The following UHRF2 variants were observed in gnomAD, a reference collection of about 807,000 sequenced individuals.
UHRF2 encodes ubiquitin like with PHD and ring finger domains 2.
A neutral mutation model predicts 96.8 loss-of-function variants in UHRF2; 23 were observed. That is an observed-to-expected ratio of 0.24 (90% confidence interval 0.17 to 0.34). The LOEUF (loss-of-function observed/expected upper bound fraction) is 0.34. Ranked by LOEUF, UHRF2 falls within the 10% of genes least tolerant of loss-of-function variation. The pLI is 1.00. For synonymous variants in UHRF2, 385 were observed against 332.6 expected, an observed-to-expected ratio of 1.16 and a Z score of -1.72; for missense variants, 685 against 981.5, an observed-to-expected ratio of 0.70 and a Z score of 4.04.
At chr9:6,480,168 T>C (rs1418203215) in intron 6 of UHRF2, among the ~76,000 whole-genome samples, 1 of 152,234 alleles carries the variant, frequency 6.6e-6, no homozygotes, top group Non-Finnish European at 1.5e-5. Flanking sequence ...CATTTCTTTT[T>C]ATGCCTCAGG....
chr9:6,487,971 T>A (rs993535622), intron 9 of UHRF2, among the ~76,000 whole-genome samples: 26 of 152,102 alleles, frequency 1.7e-4, no homozygotes, highest in African/African-American at 6.0e-4. Context: ...CCGAATCCAG[T>A]GGCTCATGCC....
chr9:6,465,103 T>C (rs890156418), intron 4 of UHRF2, among the ~76,000 whole-genome samples: 1 of 152,182 alleles, frequency 6.6e-6, no homozygotes, highest in African/African-American at 2.4e-5. Context: ...CTGAATTACA[T>C]TGTTGAAAAT....
chr9:6,425,170 C>CA (rs1305759290), intron 2 of UHRF2, among the ~76,000 whole-genome samples: 2 of 152,156 alleles, frequency 1.3e-5, no homozygotes, highest in African/African-American at 4.8e-5. Flanking sequence ...GCCTTGAGGG[C>CA]AGAGTATCTA....
intron 3 of UHRF2, among the ~76,000 whole-genome samples, chr9:6,443,297 A>C (rs546655909): frequency 6.6e-6 from 1 of 152,202 alleles, no homozygotes; most frequent in Non-Finnish European, 1.5e-5. Flanking sequence ...GTATACAGAT[A>C]CTTTACCTGG....
intron 3 of UHRF2, among the ~76,000 whole-genome samples, chr9:6,455,342 A>C (rs1210049243): frequency 6.6e-6 from 1 of 151,830 alleles, no homozygotes; most frequent in Non-Finnish European, 1.5e-5. Flanking sequence ...CCTGTGTCCA[A>C]GTGTTGTCAT....
chr9:6,468,138 C>G (rs1200338308), intron 4 of UHRF2, among the ~76,000 whole-genome samples: 1 of 151,894 alleles, frequency 6.6e-6, no homozygotes, highest in African/African-American at 2.4e-5. Context: ...AAGTATCGGC[C>G]TATTAGATTC....
Position 6,485,803 on chromosome 9 carries a change from C to CAAAAAAA in UHRF2, c.1393-999_1393-993dup, listed in dbSNP as rs57868028. On this transcript the variant is annotated intron_variant, in intron 8 of 15. Coordinates refer to ENST00000276893, the MANE Select transcript of UHRF2 (RefSeq NM_152896.3). ...ACATGGTGAGACCCCTGTCTCTACC[C>CAAAAAAA]AAAAAAAAAAAAAAAAAAAAAAAAA... 3.3e-3 allele frequency among the ~76,000 whole-genome samples: 197 copies of CAAAAAAA among 58,968 alleles called. 1 individual carries two copies. The highest frequency in any genetic ancestry group is 4.2e-3 in the Non-Finnish European group (125 of 29,752). 38.7% of individuals were successfully genotyped at this position (58,968 alleles called of 152,430 possible).
intron 4 of UHRF2, among the ~76,000 whole-genome samples, chr9:6,469,694 G>A (rs10975600): frequency 1.4e-5 from 2 of 147,300 alleles, no homozygotes; most frequent in Non-Finnish European, 3.0e-5. Flanking sequence ...ATATATACAC[G>A]TATATACATA....
chr9:6,462,532 T>G (rs1192674116), intron 4 of UHRF2, among the ~76,000 whole-genome samples: 1 of 152,198 alleles, frequency 6.6e-6, no homozygotes, highest in East Asian at 1.9e-4. Flanking sequence ...GTTAGGAGCC[T>G]TTTAACCTAC....
At chr9:6,485,803 C>CAAAAAA (rs57868028) in intron 8 of UHRF2, among the ~76,000 whole-genome samples, 931 of 57,708 alleles carry the variant, frequency 0.016, 1 homozygote, top group East Asian at 0.028. Flanking sequence ...TGTCTCTACC[C>CAAAAAA]AAAAAAAAAA....
At chr9:6,420,377 A>G (rs763722511) in intron 1 of UHRF2, among the ~76,000 whole-genome samples, 29 of 149,552 alleles carry the variant, frequency 1.9e-4, no homozygotes, top group Non-Finnish European at 3.9e-4. Context: ...TTTAATGGCT[A>G]GCAGTGTTCT....
intron 4 of UHRF2, among the ~76,000 whole-genome samples, chr9:6,469,286 G>A (rs567306686): frequency 1.1e-4 from 16 of 152,110 alleles, no homozygotes; most frequent in Non-Finnish European, 1.9e-4. Context: ...TTGGGAGGCC[G>A]AGGCAGGTGG....
At chr9:6,488,750 C>T (rs1025453413) in intron 9 of UHRF2, among the ~76,000 whole-genome samples, 12 of 151,470 alleles carry the variant, frequency 7.9e-5, no homozygotes, top group Non-Finnish European at 1.3e-4. Flanking sequence ...GATCTGCCCA[C>T]CTCGGCTTCC....
chr9:6,424,906 G>A (rs926234101), intron 2 of UHRF2, among the ~76,000 whole-genome samples: 10 of 151,958 alleles, frequency 6.6e-5, no homozygotes, highest in South Asian at 2.1e-4. Context: ...GAGGAAGACC[G>A]CAGAGGTATT....
chr9:6,468,485 A>G (rs1823013781), intron 4 of UHRF2: 1 of 455,940 alleles, frequency 2.2e-6, no homozygotes, highest in South Asian at 1.5e-5. Flanking sequence ...GAGAGGTAAG[A>G]ATCTCATAAG....
chr9:6,487,188 T>TA (rs1563799260), intron 9 of UHRF2, among the ~76,000 whole-genome samples: 5 of 125,816 alleles, frequency 4.0e-5, no homozygotes, highest in African/African-American at 1.6e-4. Context: ...TTTCCTTTTT[T>TA]TTTTTTTTTT....
At chr9:6,505,030 A>G (rs1055773026) in intron 15 of UHRF2, among the ~76,000 whole-genome samples, 2 of 152,188 alleles carry the variant, frequency 1.3e-5, no homozygotes, top group African/African-American at 2.4e-5. Flanking sequence ...AATAAATCAT[A>G]TAAAACAGTT....
chr9:6,486,801 T>C lies in UHRF2; in HGVS notation c.1393-20T>C. ...TAACTGTTCAGAGGTATTTTGAGAC[T>C]CTCTTTAATTGTTTTATAGGTGAGC... On this transcript the variant is annotated intron_variant, in intron 8 of 15. Coordinates refer to ENST00000276893, the MANE Select transcript of UHRF2 (RefSeq NM_152896.3). 3 of 1,611,528 alleles carry C rather than the reference T, an allele frequency of 1.9e-6. No homozygotes were observed. The highest frequency in any genetic ancestry group is 1.7e-6 in the Non-Finnish European group (2 of 1,177,934).
intron 3 of UHRF2, among the ~76,000 whole-genome samples, chr9:6,439,327 C>T (rs1821025392): frequency 6.6e-6 from 1 of 152,166 alleles, no homozygotes; most frequent in Non-Finnish European, 1.5e-5. Flanking sequence ...AGATGTGCAC[C>T]ACCACGCCCG....
Sources: gnomAD v4.1 joint callset for allele counts (sites outside exome capture counted in the v4.1 genomes callset) on GRCh38, gnomAD v4.1.1 for gene constraint, MANE v1.5 for transcripts, NCBI Gene and HGNC (gene_info 2026-07-23, HGNC 2026-07-21) for gene names.